CCN4: variants seen among roughly 807,000 people sequenced by gnomAD.
CCN4 encodes the protein cellular communication network factor 4, also known as CCN family member 4.
In CCN4, 30 loss-of-function variants were observed where a neutral mutation model predicts 36.7. That is an observed-to-expected ratio of 0.82 (90% confidence interval 0.61 to 1.11). CCN4 has a LOEUF of 1.11. Among genes scored for constraint, CCN4 ranks in the 50% least tolerant of loss-of-function variants. CCN4 has a pLI of 0.00. For missense variants in CCN4, 505 were observed against 504.9 expected, an observed-to-expected ratio of 1.00 and a Z score of 0.00; for synonymous variants, 191 against 195.4, an observed-to-expected ratio of 0.98 and a Z score of 0.19.
chr8:133,219,734 T>A (rs948294406), intron 2 of CCN4, among the ~76,000 whole-genome samples: 3 of 152,250 alleles, frequency 2.0e-5, no homozygotes, highest in African/African-American at 7.2e-5. Context: ...TAATTGTTCT[T>A]CAACAGTTGG....
intron 2 of CCN4, among the ~76,000 whole-genome samples, chr8:133,217,621 C>G (rs763236301): frequency 2.2e-4 from 34 of 152,244 alleles, no homozygotes; most frequent in Admixed American, 2.1e-3. Flanking sequence ...CCACCCAAAG[C>G]CCCAAGGAGA....
At chr8:133,194,362 GGGGGTGTGTGTGT>G (rs1268784012) in intron 1 of CCN4, among the ~76,000 whole-genome samples, 2 of 115,074 alleles carry the variant, frequency 1.7e-5, no homozygotes, top group Non-Finnish European at 1.9e-5. Context: ...GGTGGTGTGT[GGGGGTGTGTGTGT>G]GGGGTGTGTG....
At chr8:133,214,797 A>G (rs1024226198) in intron 2 of CCN4, among the ~76,000 whole-genome samples, 24 of 152,160 alleles carry the variant, frequency 1.6e-4, no homozygotes, top group Non-Finnish European at 3.1e-4. Context: ...TGCTGAATCA[A>G]GCCTTCCCCT....
At position 133,220,672 on chromosome 8, in the gene CCN4, C is replaced by T. The variant is rs759412122; in HGVS notation, c.441C>T (p.Ile147=). The part of the protein sequence containing the change: ...QPNCKYNCTC[I]DGAVGCTPLC... ...ACTGCAAGTACAACTGCACGTGCATCGACGGCGCGGTGGGCTGCACACCAC... is the reference window on the plus strand; with the variant it reads ...ACTGCAAGTACAACTGCACGTGCATTGACGGCGCGGTGGGCTGCACACCAC... The change falls in exon 3 of 5, where the codon ATC becomes ATT. Residue 147 remains isoleucine (I), a synonymous_variant. Transcript: ENST00000250160. The T allele has an allele frequency of 7.4e-6, 12 of 1,613,992 alleles. No homozygotes were observed. In the African/African-American group the frequency reaches 1.1e-4, roughly 14 times the overall value.
chr8:133,199,699 T>TGCACACAC (rs1414736162), intron 1 of CCN4, among the ~76,000 whole-genome samples: 14 of 152,162 alleles, frequency 9.2e-5, no homozygotes, highest in Admixed American at 9.2e-4. Flanking sequence ...TACATACACA[T>TGCACACAC]GCACACACGC....
At chr8:133,205,822 A>G (rs1734320869) in intron 1 of CCN4, among the ~76,000 whole-genome samples, 1 of 152,056 alleles carries the variant, frequency 6.6e-6, no homozygotes, top group South Asian at 2.1e-4. Context: ...CTTTTTTTGT[A>G]TTGTTTAGCT....
intron 1 of CCN4, among the ~76,000 whole-genome samples, chr8:133,210,177 G>A (rs1335926399): frequency 3.3e-5 from 5 of 152,150 alleles, no homozygotes; most frequent in South Asian, 2.1e-4. Flanking sequence ...TGCAAGGCCC[G>A]GGCCCTGCCC....
intron 2 of CCN4, among the ~76,000 whole-genome samples, chr8:133,214,767 A>G (rs2130591392): frequency 6.6e-6 from 1 of 152,214 alleles, no homozygotes; most frequent in East Asian, 1.9e-4. Context: ...ATAAACCCAA[A>G]AACTCCCTTC....
Position 133,227,567 on chromosome 8 carries a change from T to C in CCN4, c.961T>C (p.Ser321Pro). The C allele has an allele frequency of 1.2e-6, 2 of 1,614,228 alleles. No homozygotes were observed. Reference protein sequence around the residue: ...IPYKSKTIDVSFQCPDGLGFS... With the variant: ...IPYKSKTIDVPFQCPDGLGFS... ...CTACAAGTCTAAGACTATCGACGTG[T>C]CCTTCCAGTGTCCTGATGGGCTTGG... The change falls in exon 5 of 5, where the codon TCC (serine) becomes CCC (proline). Residue 321 changes from serine (S) to proline (P), a missense_variant. Coordinates refer to ENST00000250160, the MANE Select transcript of CCN4 (RefSeq NM_003882.4).
chr8:133,210,701 T>C (rs1853988202), intron 1 of CCN4, among the ~76,000 whole-genome samples: 1 of 152,238 alleles, frequency 6.6e-6, no homozygotes, highest in Non-Finnish European at 1.5e-5. Flanking sequence ...ACTGGCAATG[T>C]GCAGGCACTC....
chr8:133,223,817 G>T (rs1854621612), intron 3 of CCN4, among the ~76,000 whole-genome samples: 1 of 152,108 alleles, frequency 6.6e-6, no homozygotes, highest in East Asian at 1.9e-4. Flanking sequence ...ATCTTTCTGT[G>T]GGCAGTTCTG....
intron 1 of CCN4, among the ~76,000 whole-genome samples, chr8:133,194,028 G>C (rs1247516444): frequency 6.6e-6 from 1 of 152,162 alleles, no homozygotes; most frequent in Non-Finnish European, 1.5e-5. Context: ...ACCACACCAA[G>C]CTCCCTGCTG....
At chr8:133,209,525 T>G (rs1350831484) in intron 1 of CCN4, among the ~76,000 whole-genome samples, 1 of 152,250 alleles carries the variant, frequency 6.6e-6, no homozygotes, top group Non-Finnish European at 1.5e-5. Context: ...ATGGTTCCCC[T>G]GTCCAAGGGA....
Position 133,212,856 on chromosome 8 carries a change from C to T in CCN4, c.70-8C>T, listed in dbSNP as rs77652299. On this transcript the variant is annotated splice_region_variant and splice_polypyrimidine_tract_variant and intron_variant, in intron 1 of 4. Coordinates refer to ENST00000250160, the MANE Select transcript of CCN4 (RefSeq NM_003882.4). ...CAGCCCCCCTTTCCCTCTGCCCTCCCCCCGCAGGCCCTCTCTCCAGCCCCT... is the reference window on the plus strand; with the variant it reads ...CAGCCCCCCTTTCCCTCTGCCCTCCTCCCGCAGGCCCTCTCTCCAGCCCCT... 0.011 allele frequency: 17,391 copies of T among 1,560,944 alleles called. 1,489 individuals carry two copies. In the African/African-American group the frequency reaches 0.2, roughly 18 times the overall value.
At chr8:133,195,000 TGTGTG>T in intron 1 of CCN4, among the ~76,000 whole-genome samples, 1 of 146,770 alleles carries the variant, frequency 6.8e-6, no homozygotes, top group East Asian at 2.1e-4. Context: ...GTGGTTTGTG[TGTGTG>T]TTGTGTGTGT....
chr8:133,201,128 C>T (rs2930000), intron 1 of CCN4, among the ~76,000 whole-genome samples: 88,519 of 152,026 alleles, frequency 0.58, 28,590 homozygotes, highest in East Asian at 0.79. Context: ...CCTTAAGAAA[C>T]GGATGCTTTG....
intron 1 of CCN4, among the ~76,000 whole-genome samples, chr8:133,210,622 A>AT (rs71299054): frequency 0.07 from 10,599 of 151,844 alleles, 513 homozygotes; most frequent in Non-Finnish European, 0.11. Flanking sequence ...TGCAGGCAAG[A>AT]TTTTTTTTGG....
At chr8:133,224,394 A>G (rs955407683) in intron 3 of CCN4, among the ~76,000 whole-genome samples, 2 of 151,732 alleles carry the variant, frequency 1.3e-5, no homozygotes, top group Non-Finnish European at 2.9e-5. Flanking sequence ...ACATGCCACC[A>G]TGCCCGGTTA....
At chr8:133,209,652 G>A (rs944854927) in intron 1 of CCN4, among the ~76,000 whole-genome samples, 1 of 152,354 alleles carries the variant, frequency 6.6e-6, no homozygotes, top group South Asian at 2.1e-4. Context: ...GATGGATAGT[G>A]ATCCCAGGAG....
Sources: allele counts gnomAD v4.1 joint callset (sites outside exome capture counted in the v4.1 genomes callset), GRCh38; gene constraint gnomAD v4.1.1; transcripts MANE v1.5; gene names NCBI Gene and HGNC (gene_info 2026-07-23, HGNC 2026-07-21).